Variants in SH3BGR observed in about 807,000 individuals in gnomAD.
The protein encoded by SH3BGR is SH3 domain binding glutamate rich protein.
SH3BGR carries 29 observed loss-of-function variants against 24.5 expected under a neutral mutation model. The ratio of observed to expected loss-of-function variants is 1.18; its 90% CI spans 0.88 to 1.61. SH3BGR has a LOEUF of 1.61. SH3BGR is among the 40% of genes most tolerant of loss of function. The pLI is 0.00. For missense variants in SH3BGR, 162 were observed against 205.8 expected, an observed-to-expected ratio of 0.79 and a Z score of 1.30; for synonymous variants, 55 against 65.7, an observed-to-expected ratio of 0.84 and a Z score of 0.79.
upstream of SH3BGR, among the ~76,000 whole-genome samples, chr21:39,451,267 A>G (rs931123857): frequency 5.9e-5 from 9 of 152,218 alleles, no homozygotes; most frequent in Non-Finnish European, 1.2e-4. Context: ...AGCACTTTAA[A>G]ATAGTTAATA....
At chr21:39,447,501 C>T (rs566842353), upstream of SH3BGR, among the ~76,000 whole-genome samples, 2 of 151,238 alleles carry the variant, frequency 1.3e-5, no homozygotes, top group South Asian at 2.1e-4. Flanking sequence ...CCACAACCTC[C>T]GCTTCCTGGG....
chr21:39,446,883 A>C (rs1257270270), intron 1 of SH3BGR: 1 of 151,788 alleles, frequency 6.6e-6, no homozygotes, highest in Non-Finnish European at 1.5e-5. Context: ...AGCTTATTAC[A>C]TTTCTCTATA....
intron 4 of SH3BGR, among the ~76,000 whole-genome samples, chr21:39,502,479 C>T (rs1569173444): frequency 6.6e-6 from 1 of 152,322 alleles, no homozygotes; most frequent in East Asian, 1.9e-4. Context: ...CCCTCATTAA[C>T]CAACACGCTG....
chr21:39,461,817 A>C (rs1315563704), intron 1 of SH3BGR, among the ~76,000 whole-genome samples: 1 of 152,086 alleles, frequency 6.6e-6, no homozygotes, highest in South Asian at 2.1e-4. Flanking sequence ...TAGTTTTAAC[A>C]GTTGATTATA....
chr21:39,513,017 A>G (rs79263589), intron 6 of SH3BGR, among the ~76,000 whole-genome samples: 5,016 of 152,242 alleles, frequency 0.033, 87 homozygotes, highest in Middle Eastern at 0.071. Context: ...AAAATTTAAA[A>G]AAGTTTAGTC....
chr21:39,506,512 G>A (rs1174648330), intron 4 of SH3BGR, among the ~76,000 whole-genome samples: 3 of 152,184 alleles, frequency 2.0e-5, no homozygotes, highest in African/African-American at 7.2e-5. Flanking sequence ...TGGACTCACC[G>A]TTCCACATGG....
rs150587548 is a variant in SH3BGR, at chr21:39,484,031, G to T, written c.312+8816G>T. Among the ~76,000 whole-genome samples the T allele has an allele frequency of 3.5e-3, 529 of 152,320 alleles. 4 individuals carry two copies. The highest frequency in any genetic ancestry group is 0.012 in the African/African-American group (498 of 41,574). On this transcript the variant is annotated intron_variant, in intron 3 of 6. Transcript: ENST00000333634. ...ACTTTGGATGGAATCAGAGGTTTCA[G>T]TAGAACCCAGGATATGGAAGTGGGT...
At chr21:39,469,869 T>G (rs2077907961) in intron 2 of SH3BGR, among the ~76,000 whole-genome samples, 1 of 152,092 alleles carries the variant, frequency 6.6e-6, no homozygotes, top group Non-Finnish European at 1.5e-5. Context: ...TTGGCCAGGT[T>G]GGTCTTGGAC....
chr21:39,507,911 G>A (rs2078611557), intron 4 of SH3BGR, among the ~76,000 whole-genome samples: 1 of 152,172 alleles, frequency 6.6e-6, no homozygotes, highest in South Asian at 2.1e-4. Flanking sequence ...ATGAGCTGTT[G>A]TACTCTGCCA....
At chr21:39,469,136 T>C (rs1297539409) in intron 2 of SH3BGR, among the ~76,000 whole-genome samples, 1 of 151,982 alleles carries the variant, frequency 6.6e-6, no homozygotes, top group Non-Finnish European at 1.5e-5. Flanking sequence ...AACATTTTTT[T>C]TCAAAAGTAA....
intron 3 of SH3BGR, among the ~76,000 whole-genome samples, chr21:39,495,842 C>T (rs994623301): frequency 1.4e-4 from 22 of 151,992 alleles, no homozygotes; most frequent in African/African-American, 5.3e-4. Context: ...GATAATTCAC[C>T]ATCATCAAAC....
intron 1 of SH3BGR, among the ~76,000 whole-genome samples, chr21:39,460,527 G>A (rs2077737637): frequency 6.6e-6 from 1 of 151,984 alleles, no homozygotes; most frequent in African/African-American, 2.4e-5. Flanking sequence ...TGTCGCCCAG[G>A]CTGGAGTGCA....
chr21:39,498,755 T>A (rs139859605), intron 3 of SH3BGR, among the ~76,000 whole-genome samples: 1 of 152,316 alleles, frequency 6.6e-6, no homozygotes, highest in Non-Finnish European at 1.5e-5. Context: ...CTAATCTCTC[T>A]CTCTCTCTAT....
upstream of SH3BGR, among the ~76,000 whole-genome samples, chr21:39,450,993 A>C (rs189352864): frequency 6.7e-6 from 1 of 149,840 alleles, no homozygotes; most frequent in African/African-American, 2.5e-5. Context: ...TTTTTGTGTT[A>C]TTGTTGTTGG....
At chr21:39,460,772 A>G (rs974739911) in intron 1 of SH3BGR, among the ~76,000 whole-genome samples, 1 of 152,062 alleles carries the variant, frequency 6.6e-6, no homozygotes, top group African/African-American at 2.4e-5. Flanking sequence ...CCAGCCTTCT[A>G]TTCTTCTTTA....
rs1006964857 is a variant in SH3BGR at position 39,464,715 on chromosome 21, C to T, written c.231+2155C>T. Among the ~76,000 whole-genome samples the T allele has an allele frequency of 2.0e-5, 3 of 152,248 alleles. No homozygotes were observed. The East Asian group carries it at 5.8e-4, about 29-fold the overall frequency. ...GCATATATTAAGGTGAACATGTGGT[C>T]CAGTTCAAATTCCTCCTCACCCCTC... On this transcript the variant is annotated intron_variant, in intron 2 of 6. Coordinates refer to ENST00000333634, the MANE Select transcript of SH3BGR (RefSeq NM_007341.3).
intron 3 of SH3BGR, among the ~76,000 whole-genome samples, chr21:39,493,847 T>C (rs2078346433): frequency 6.6e-6 from 1 of 152,202 alleles, no homozygotes; most frequent in Non-Finnish European, 1.5e-5. Context: ...TTAGGTATAT[T>C]CCTAAGTATT....
chr21:39,507,734 C>A (rs1186269286), intron 4 of SH3BGR, among the ~76,000 whole-genome samples: 1 of 152,198 alleles, frequency 6.6e-6, no homozygotes, highest in East Asian at 1.9e-4. Flanking sequence ...CAGCCTCAAA[C>A]TCCTGGGCTC....
At chr21:39,464,764 C>T (rs1232947060) in intron 2 of SH3BGR, among the ~76,000 whole-genome samples, 3 of 152,178 alleles carry the variant, frequency 2.0e-5, no homozygotes, top group Non-Finnish European at 4.4e-5. Flanking sequence ...CCACATCTTC[C>T]CCACCTTCCT....
Sources: gnomAD v4.1 joint callset for allele counts (sites outside exome capture counted in the v4.1 genomes callset) on GRCh38, gnomAD v4.1.1 for gene constraint, MANE v1.5 for transcripts, NCBI Gene and HGNC (gene_info 2026-07-23, HGNC 2026-07-21) for gene names.